RUNX1: variants seen among roughly 807,000 people sequenced by gnomAD.
The protein encoded by RUNX1 is RUNX family transcription factor 1.
In RUNX1, 19 loss-of-function variants were observed where a neutral mutation model predicts 42.8. That is an observed-to-expected ratio of 0.44 (90% CI 0.31 to 0.65). The LOEUF (loss-of-function observed/expected upper bound fraction) is 0.65, where lower values mean the gene tolerates loss of function less well. Among genes scored for constraint, RUNX1 ranks in the 30% least tolerant of loss-of-function variants. The pLI is 0.07. For synonymous variants in RUNX1, 271 were observed against 289.4 expected, an observed-to-expected ratio of 0.94 and a Z score of 0.64; for missense variants, 528 against 672.0, an observed-to-expected ratio of 0.79 and a Z score of 2.37.
At chr21:34,824,952 T>C (rs76290191) in intron 7 of RUNX1, among the ~76,000 whole-genome samples, 2,218 of 152,346 alleles carry the variant, frequency 0.015, 28 homozygotes, top group Non-Finnish European at 0.022. Context: ...CATATTAGCA[T>C]ATATTGTTTG....
chr21:35,038,280 T>C (rs550311123), intron 2 of RUNX1, among the ~76,000 whole-genome samples: 3 of 152,112 alleles, frequency 2.0e-5, no homozygotes, highest in Non-Finnish European at 4.4e-5. Flanking sequence ...ATCCCACCCC[T>C]GAGCTTGGGC....
At chr21:34,811,972 C>T (rs541386652) in intron 7 of RUNX1, among the ~76,000 whole-genome samples, 27 of 152,100 alleles carry the variant, frequency 1.8e-4, no homozygotes, top group African/African-American at 6.5e-4. Context: ...TCTATACCCC[C>T]GAGAAATGCC....
In RUNX1 at chr21:34,990,880, C is replaced by T. The variant is rs572733652; in HGVS notation, c.58+57962G>A. On this transcript the variant is annotated intron_variant, in intron 2 of 8. Coordinates refer to ENST00000675419, the MANE Select transcript of RUNX1 (RefSeq NM_001754.5). ...TGCTGGGATTATAGGAGTGAGCCAC[C>T]GTGCCCGGCTGGGGAATAAATTTTT... is the stretch of plus-strand genomic sequence containing the variant. Among the ~76,000 whole-genome samples the T allele has an allele frequency of 1.2e-4, 18 of 152,230 alleles. No individual in the cohort carries two copies. The East Asian group carries it at 2.7e-3, about 23-fold the overall frequency.
chr21:34,955,755 C>G (rs988997475), intron 2 of RUNX1, among the ~76,000 whole-genome samples: 1 of 152,162 alleles, frequency 6.6e-6, no homozygotes, highest in African/African-American at 2.4e-5. Flanking sequence ...GACCACCATG[C>G]CTGAAGCTCT....
rs553133051 is a variant in RUNX1 at position 34,788,876 on chromosome 21, C to A, written c.*3259G>T. The A allele has an allele frequency of 8.6e-6, 2 of 233,134 alleles. No homozygotes were observed. Among genetic ancestry groups the A allele is most frequent in the South Asian group, 3.6e-4 (2 of 5,506 alleles). 14.4% of individuals were successfully genotyped at this position (233,134 alleles called of 1,614,324 possible). On this transcript the variant is annotated 3_prime_UTR_variant, in exon 9 of 9. Coordinates refer to ENST00000675419, the MANE Select transcript of RUNX1 (RefSeq NM_001754.5). The stretch of plus-strand genomic sequence containing the variant: ...TGTCATTCCCCCCAAAAATAAAAAC[C>A]AACAAAAATAAAAATCATCAGGACG...
intron 7 of RUNX1, among the ~76,000 whole-genome samples, chr21:34,806,416 G>A (rs141289554): frequency 2.2e-4 from 33 of 152,286 alleles, no homozygotes; most frequent in Non-Finnish European, 4.4e-4. Context: ...GATAATGTGG[G>A]TGAATTCTCT....
At chr21:34,794,671 C>T (rs547845958) in intron 8 of RUNX1, among the ~76,000 whole-genome samples, 4 of 152,208 alleles carry the variant, frequency 2.6e-5, no homozygotes, top group Non-Finnish European at 5.9e-5. Flanking sequence ...TTCTTACCTA[C>T]AGGCCGCCCT....
intron 2 of RUNX1, among the ~76,000 whole-genome samples, chr21:35,035,904 C>T (rs1243754809): frequency 1.3e-5 from 2 of 152,202 alleles, no homozygotes; most frequent in Non-Finnish European, 2.9e-5. Flanking sequence ...TTTAAAACAA[C>T]TCCAACTGCT....
intron 4 of RUNX1, among the ~76,000 whole-genome samples, chr21:34,883,245 C>CT (rs200296403): frequency 5.9e-5 from 9 of 151,276 alleles, no homozygotes; most frequent in Middle Eastern, 3.4e-3. Flanking sequence ...TCCCACTCCT[C>CT]TTTTTTTTTA....
Position 34,792,134 on chromosome 21 carries a change from C to G in RUNX1, c.*1G>C. The G allele has an allele frequency of 6.9e-7, 1 of 1,451,396 alleles. No homozygotes were observed. The highest frequency in any genetic ancestry group is 1.5e-5 in the African/African-American group (1 of 67,164). The allele number at this position is 1,451,396 out of a possible 1,614,324, so 89.9% of individuals were successfully genotyped here. A position where few individuals can be genotyped will look rare whatever the true frequency, so the allele number is the denominator to read the frequency against. ...GGCCCAGCCGGGCCAGGCCTGGCGC[C>G]TCAGTAGGGCCTCCACACGGCCTCC... On this transcript the variant is annotated 3_prime_UTR_variant, in exon 9 of 9. Coordinates refer to ENST00000675419, the MANE Select transcript of RUNX1 (RefSeq NM_001754.5). This position sits in a 1 kb window ranked among gnomAD's most constrained non-coding sequence, Gnocchi z 6.9.
chr21:34,823,575 C>T (rs955597254), intron 7 of RUNX1, among the ~76,000 whole-genome samples: 2 of 151,798 alleles, frequency 1.3e-5, no homozygotes, highest in Admixed American at 6.6e-5. Flanking sequence ...TCCCAAGTAG[C>T]TGGGATTACA....
At chr21:34,993,107 GCGGACGCCAT>G (rs926481515) in intron 2 of RUNX1, among the ~76,000 whole-genome samples, 17 of 152,378 alleles carry the variant, frequency 1.1e-4, no homozygotes, top group Admixed American at 3.3e-4. Flanking sequence ...CTCGTATCTG[GCGGACGCCAT>G]CACCTCTGCT....
chr21:35,034,808 T>C (rs996067875), intron 2 of RUNX1, among the ~76,000 whole-genome samples: 3 of 152,156 alleles, frequency 2.0e-5, no homozygotes, highest in Admixed American at 6.5e-5. Flanking sequence ...ACCTTGACCA[T>C]GGGAGCTGAG....
rs1196493708 is a variant in RUNX1, at chr21:34,792,197, T to C, written c.1381A>G (p.Asn461Asp). The change falls in exon 9 of 9, where the codon AAC becomes GAC. Residue 461 changes from asparagine (N) to aspartate (D), a missense_variant. By Grantham distance (23) the Asn-to-Asp change is conservative. Around this residue, in one of 3 missense-constraint regions of RUNX1, gnomAD observed 331 missense variants for 382.5 expected, o/e 0.87. Coordinates refer to ENST00000675419, the MANE Select transcript of RUNX1 (RefSeq NM_001754.5). This position sits in a 1 kb window ranked among gnomAD's most constrained non-coding sequence, Gnocchi z 6.9. ...GAGGGCGCCATGTTGGTGGGGGAGTTGCTGTGGCTGCCCTCGGCCTCCACC... is the reference window on the plus strand; with the variant it reads ...GAGGGCGCCATGTTGGTGGGGGAGTCGCTGTGGCTGCCCTCGGCCTCCACC... ...DVVEAEGSHS[N>D]SPTNMAPSAR... 1.3e-5 allele frequency: 20 copies of C among 1,537,644 alleles called. No homozygotes were observed. The highest frequency in any genetic ancestry group is 1.7e-5 in the Non-Finnish European group (20 of 1,148,604).
chr21:34,930,239 T>TATACATATATATATTATATATACATG (rs1299650215), intron 2 of RUNX1, among the ~76,000 whole-genome samples: 3 of 130,638 alleles, frequency 2.3e-5, no homozygotes, highest in African/African-American at 1.1e-4. Flanking sequence ...TATATACATA[T>TATACATATATATATTATATATACATG]TATATATGTA....
intron 2 of RUNX1, among the ~76,000 whole-genome samples, chr21:34,995,926 T>A (rs1369466672): frequency 1.5e-3 from 230 of 152,332 alleles, no homozygotes; most frequent in Middle Eastern, 0.01. Context: ...ACGTGTTTCT[T>A]TTTATACTTG....
At chr21:34,857,648 C>G (rs1236534985) in intron 6 of RUNX1, among the ~76,000 whole-genome samples, 1 of 152,194 alleles carries the variant, frequency 6.6e-6, no homozygotes, top group East Asian at 1.9e-4. Flanking sequence ...TTTAGTCACC[C>G]TCAAAGTCGA....
At chr21:34,978,167 T>TG (rs1056470133) in intron 2 of RUNX1, among the ~76,000 whole-genome samples, 2 of 152,200 alleles carry the variant, frequency 1.3e-5, no homozygotes, top group African/African-American at 4.8e-5. Flanking sequence ...CTCGATCTCC[T>TG]GACCTCATGA....
chr21:34,877,696 C>G (rs935016063), intron 5 of RUNX1, among the ~76,000 whole-genome samples: 1 of 152,126 alleles, frequency 6.6e-6, no homozygotes, highest in Non-Finnish European at 1.5e-5. Flanking sequence ...GGAATGAACC[C>G]GAGGTTAGGA....
Sources: allele counts gnomAD v4.1 joint callset (sites outside exome capture counted in the v4.1 genomes callset), GRCh38; gene constraint gnomAD v4.1.1; regional missense constraint gnomAD v4.1.1; non-coding constraint Gnocchi (gnomAD v3.1); transcripts MANE v1.5; gene names NCBI Gene and HGNC (gene_info 2026-07-23, HGNC 2026-07-21).